The following MAP3K20 variants were observed in gnomAD, a reference collection of about 807,000 sequenced individuals.
MAP3K20 encodes the protein mitogen-activated protein kinase kinase kinase 20, also known as HCCS-4.
MAP3K20 carries 40 observed loss-of-function variants against 85.7 expected under a neutral mutation model. That is an observed-to-expected ratio of 0.47 (90% CI 0.36 to 0.61). MAP3K20 has a LOEUF of 0.61. Among genes scored for constraint, MAP3K20 ranks in the 20% least tolerant of loss-of-function variants. MAP3K20 has a pLI of 0.00. For synonymous variants in MAP3K20, 325 were observed against 327.7 expected, an observed-to-expected ratio of 0.99 and a Z score of 0.09; for missense variants, 817 against 961.7, an observed-to-expected ratio of 0.85 and a Z score of 1.99.
intron 1 of MAP3K20, among the ~76,000 whole-genome samples, chr2:173,078,400 C>A (rs1686924813): frequency 6.6e-6 from 1 of 152,162 alleles, no homozygotes; most frequent in Non-Finnish European, 1.5e-5. Context: ...AGTTAAGGCA[C>A]CTTTTGGTCT....
At chr2:173,244,125 C>G (rs188832658) in intron 16 of MAP3K20, among the ~76,000 whole-genome samples, 37 of 152,186 alleles carry the variant, frequency 2.4e-4, no homozygotes, top group African/African-American at 8.9e-4. Flanking sequence ...TAGCTGGAGA[C>G]GCAGCAAGTG....
At chr2:173,133,446 C>T (rs1318186581) in intron 2 of MAP3K20, among the ~76,000 whole-genome samples, 1 of 152,132 alleles carries the variant, frequency 6.6e-6, no homozygotes, top group East Asian at 1.9e-4. Flanking sequence ...GGGACTGTGG[C>T]ATCTGTCATA....
At chr2:173,187,504 C>A (rs200359286) in intron 4 of MAP3K20, 54 bp from the exon 5 acceptor site, 149 of 1,444,176 alleles carry the variant, frequency 1.0e-4, no homozygotes, top group East Asian at 5.4e-4. Context: ...AAAGGTAATA[C>A]TGATGTAATG....
At chr2:173,132,350 C>T (rs1241122486) in intron 2 of MAP3K20, among the ~76,000 whole-genome samples, 6 of 152,138 alleles carry the variant, frequency 3.9e-5, no homozygotes, top group Admixed American at 2.6e-4. Flanking sequence ...ACAAAGCTTT[C>T]GTCTTCTCCT....
rs1246070763 is a variant in MAP3K20 at position 173,266,350 on chromosome 2, C to T, written c.2003C>T (p.Ser668Leu). ...GFSSGNTDTS[S>L]ERGRYSDRSR... ...TCCAGTGGCAATACTGACACCTCTTCAGAGAGGGGTCGATACTCAGACAGA... is the reference window on the plus strand; with the variant it reads ...TCCAGTGGCAATACTGACACCTCTTTAGAGAGGGGTCGATACTCAGACAGA... The change falls in exon 20 of 20, where the codon TCA becomes TTA. Residue 668 changes from serine to leucine, a missense_variant. Physicochemically the swap from Ser to Leu is moderately radical, Grantham distance 145. Around this residue, in one of 4 missense-constraint regions of MAP3K20, gnomAD observed 454 missense variants for 476.9 expected, o/e 0.95. Coordinates refer to ENST00000375213, the MANE Select transcript of MAP3K20 (RefSeq NM_016653.3). The T allele has an allele frequency of 6.2e-7, 1 of 1,614,116 alleles. No individual in the cohort carries two copies. Among genetic ancestry groups the T allele is most frequent in the South Asian group, 1.1e-5 (1 of 91,084 alleles).
intron 3 of MAP3K20, among the ~76,000 whole-genome samples, chr2:173,177,583 C>T (rs945558430): frequency 2.0e-5 from 3 of 151,664 alleles, no homozygotes; most frequent in Admixed American, 2.0e-4. Flanking sequence ...GAGTAGCCAC[C>T]ATGCCCGGCT....
chr2:173,176,743 C>T (rs930943388), intron 3 of MAP3K20, among the ~76,000 whole-genome samples: 1 of 152,054 alleles, frequency 6.6e-6, no homozygotes, highest in African/African-American at 2.4e-5. Context: ...AATCAAAAGG[C>T]AGAGATTGTC....
intron 2 of MAP3K20, among the ~76,000 whole-genome samples, chr2:173,144,963 G>C (rs982091101): frequency 6.6e-6 from 1 of 152,106 alleles, no homozygotes; most frequent in South Asian, 2.1e-4. Context: ...TAACAAACAT[G>C]CCAATGTAAT....
chr2:173,236,508 C>G (rs569812181), intron 14 of MAP3K20, among the ~76,000 whole-genome samples: 42 of 152,244 alleles, frequency 2.8e-4, no homozygotes, highest in African/African-American at 9.6e-4. Flanking sequence ...GGACCTAACA[C>G]TGCCCTCAAA....
chr2:173,232,079 T>C, intron 12 of MAP3K20, 113 bp from the exon 13 acceptor site: 1 of 1,326,496 alleles, frequency 7.5e-7, no homozygotes, highest in Non-Finnish European at 1.1e-6. Context: ...ACCTTTGTGG[T>C]TGAGCCAGGA....
rs569415161 is a variant in MAP3K20 at position 173,266,046 on chromosome 2, G to A, written c.1703-4G>A. 69 of 1,556,104 alleles carry A rather than the reference G, an allele frequency of 4.4e-5. No individual in the cohort carries two copies. In the South Asian group the frequency reaches 5.6e-4, roughly 13 times the overall value. On this transcript the variant is annotated splice_polypyrimidine_tract_variant and splice_region_variant and intron_variant, in intron 19 of 19. Coordinates refer to ENST00000375213, the MANE Select transcript of MAP3K20 (RefSeq NM_016653.3). ...AAAGATGCTCATTTCCATTTCTCCC[G>A]CAGGTGCTGATTGCCAGTGGTTAGA...
At chr2:173,098,825 G>A (rs1241938860) in intron 2 of MAP3K20, among the ~76,000 whole-genome samples, 5 of 152,018 alleles carry the variant, frequency 3.3e-5, no homozygotes, top group Admixed American at 3.3e-4. Context: ...TTCTCTCAAA[G>A]TGTGGTCCCT....
chr2:173,262,309 C>A (rs758609428), intron 18 of MAP3K20, among the ~76,000 whole-genome samples: 5 of 152,046 alleles, frequency 3.3e-5, no homozygotes, highest in Non-Finnish European at 5.9e-5. Flanking sequence ...ATTAGAAATA[C>A]AAACCCTGGG....
chr2:173,204,695 T>A (rs1413878579), intron 9 of MAP3K20, among the ~76,000 whole-genome samples: 8 of 152,240 alleles, frequency 5.3e-5, no homozygotes, highest in Non-Finnish European at 1.2e-4. Context: ...GATGATGGTA[T>A]AGATTAAAAT....
chr2:173,175,839 A>C (rs555118674), intron 3 of MAP3K20, among the ~76,000 whole-genome samples: 2 of 152,270 alleles, frequency 1.3e-5, no homozygotes, highest in African/African-American at 4.8e-5. Flanking sequence ...GACTGAGAGA[A>C]TCTTCAAGTG....
chr2:173,251,195 T>A (rs1685034545), intron 16 of MAP3K20, among the ~76,000 whole-genome samples: 1 of 152,232 alleles, frequency 6.6e-6, no homozygotes, highest in Non-Finnish European at 1.5e-5. Flanking sequence ...TTGTGGCTCT[T>A]CCAGTCTTCC....
chr2:173,082,109 C>T (rs1266487228), intron 1 of MAP3K20, among the ~76,000 whole-genome samples: 3 of 152,058 alleles, frequency 2.0e-5, no homozygotes, highest in Admixed American at 2.0e-4. Context: ...CCAAGCTATC[C>T]TCCCACCTCA....
intron 3 of MAP3K20, among the ~76,000 whole-genome samples, chr2:173,173,154 CTGTGTGTG>C (rs57836780): frequency 0.17 from 24,150 of 138,514 alleles, 2,099 homozygotes; most frequent in African/African-American, 0.21. Flanking sequence ...TCTTTTATTT[CTGTGTGTG>C]TGTGTGTGTG....
chr2:173,132,351 G>A (rs1574042394), intron 2 of MAP3K20, among the ~76,000 whole-genome samples: 1 of 152,020 alleles, frequency 6.6e-6, no homozygotes, highest in Non-Finnish European at 1.5e-5. Flanking sequence ...CAAAGCTTTC[G>A]TCTTCTCCTC....
Sources: allele counts gnomAD v4.1 joint callset (sites outside exome capture counted in the v4.1 genomes callset), GRCh38; gene constraint gnomAD v4.1.1; regional missense constraint gnomAD v4.1.1; transcripts MANE v1.5; gene names NCBI Gene and HGNC (gene_info 2026-07-23, HGNC 2026-07-21).